CNDP1: variants seen among roughly 807,000 people sequenced by gnomAD.
The protein encoded by CNDP1 is carnosine dipeptidase 1.
Under a neutral mutation model 58.1 loss-of-function variants are expected in CNDP1, and 44 were observed. That is an observed-to-expected ratio of 0.76 (90% CI 0.60 to 0.97). CNDP1 has a LOEUF of 0.97. Among genes scored for constraint, CNDP1 ranks in the 50% least tolerant of loss-of-function variants. CNDP1 has a pLI of 0.00. For missense variants in CNDP1, 616 were observed against 655.1 expected, an observed-to-expected ratio of 0.94 and a Z score of 0.65; for synonymous variants, 254 against 252.6, an observed-to-expected ratio of 1.01 and a Z score of -0.05.
chr18:74,561,996 C>G (rs753564348), intron 4 of CNDP1, 51 bp from the exon 5 acceptor site: 1 of 1,494,326 alleles, frequency 6.7e-7, no homozygotes, highest in Admixed American at 1.7e-5. Flanking sequence ...TTTTAACTCA[C>G]ATGGCAGAGG....
Position 74,585,312 on chromosome 18 carries a change from A to C in CNDP1, c.*750A>C, listed in dbSNP as rs948359531. ...GAAAAGGCCCACTCTCTCTCTATCC[A>C]ACATCTGTGCACAGGTTGCACCAGA... is the stretch of plus-strand genomic sequence containing the variant. On this transcript the variant is annotated 3_prime_UTR_variant, in exon 12 of 12. Coordinates refer to ENST00000358821, the MANE Select transcript of CNDP1 (RefSeq NM_032649.6). 5 of 152,154 alleles carry C rather than the reference A, an allele frequency of 3.3e-5. No homozygotes were observed. Among genetic ancestry groups the C allele is most frequent in the African/African-American group, 4.8e-5 (2 of 41,428 alleles). The allele number at this position is 152,154 out of a possible 1,614,324, so 9.4% of individuals were successfully genotyped here.
Position 74,578,319 on chromosome 18 carries a change from GA to G in CNDP1, c.1164del (p.Lys388AsnfsTer3). On this transcript the variant is annotated frameshift_variant, in exon 9 of 12. Coordinates refer to ENST00000358821, the MANE Select transcript of CNDP1 (RefSeq NM_032649.6). LOFTEE classifies it high-confidence loss of function. ...LVPHMNVSAV[E>X]KQVTRHLEDV... ...CCCTCACATGAATGTGTCTGCGGTG[GA>G]AAAACAGGTAACAAATGCTTATTGT... 1 of 1,600,196 alleles carries G rather than the reference GA, an allele frequency of 6.2e-7. No individual in the cohort carries two copies.
intron 2 of CNDP1, among the ~76,000 whole-genome samples, chr18:74,559,069 T>G (rs1459133991): frequency 6.6e-6 from 1 of 152,072 alleles, no homozygotes; most frequent in Admixed American, 6.6e-5. Context: ...GACCATCACC[T>G]TTCTCCCAGC....
chr18:74,559,553 G>A, intron 3 of CNDP1, 81 bp downstream of exon 3: 1 of 1,363,456 alleles, frequency 7.3e-7, no homozygotes, highest in South Asian at 1.3e-5. Context: ...CAAGGGAGAG[G>A]CTCACCCTGA....
intron 1 of CNDP1, among the ~76,000 whole-genome samples, chr18:74,551,408 G>T (rs1980906856): frequency 1.4e-5 from 2 of 139,094 alleles, no homozygotes; most frequent in African/African-American, 5.8e-5. Flanking sequence ...AAAAACAGAG[G>T]CATGGAGGAA....
chr18:74,553,037 C>G (rs1697282218), intron 1 of CNDP1, among the ~76,000 whole-genome samples: 1 of 152,232 alleles, frequency 6.6e-6, no homozygotes, highest in East Asian at 1.9e-4. Context: ...GCTAATCATG[C>G]TGAGCCTAAA....
Position 74,583,578 on chromosome 18 carries a change from G to A in CNDP1, c.1327G>A (p.Asp443Asn). 1 of 1,614,160 alleles carries A rather than the reference G, an allele frequency of 6.2e-7. No homozygotes were observed. Among genetic ancestry groups the A allele is most frequent in the Non-Finnish European group, 8.5e-7 (1 of 1,179,996 alleles). Reference sequence around the variant, plus strand: ...TGTCTCAGTGTTTGGAACAGAACCAGATATGATCCGGGATGGATCCACCAT... The same window carrying A: ...TGTCTCAGTGTTTGGAACAGAACCAAATATGATCCGGGATGGATCCACCAT... ...AIRTVFGTEP[D>N]MIRDGSTIPI... is the part of the protein sequence containing the mutation. The change falls in exon 11 of 12, where the codon GAT (aspartate) becomes AAT (asparagine). Residue 443 changes from aspartate (D) to asparagine (N), a missense_variant. Transcript: ENST00000358821.
chr18:74,544,301 T>G (rs2144641611), intron 1 of CNDP1, among the ~76,000 whole-genome samples: 1 of 152,234 alleles, frequency 6.6e-6, no homozygotes. Flanking sequence ...TATTCTATGA[T>G]AGACAGTACA....
chr18:74,546,946 G>A (rs1332564682), intron 1 of CNDP1, among the ~76,000 whole-genome samples: 1 of 152,216 alleles, frequency 6.6e-6, no homozygotes, highest in Non-Finnish European at 1.5e-5. Context: ...GGATGATGGA[G>A]GGACTCACAG....
rs1414310372 is a variant in CNDP1 at position 74,534,704 on chromosome 18, T to C, written c.24+13T>C. Reference sequence around the variant, plus strand: ...ACTCGGGAGAATGGTGAGTAGGACCTCCTCCATCAGAGTCCGTGCATTGGG... The same window carrying C: ...ACTCGGGAGAATGGTGAGTAGGACCCCCTCCATCAGAGTCCGTGCATTGGG... On this transcript the variant is annotated intron_variant, in intron 1 of 11. Coordinates refer to ENST00000358821, the MANE Select transcript of CNDP1 (RefSeq NM_032649.6). The C allele has an allele frequency of 6.2e-7, 1 of 1,613,952 alleles. No individual in the cohort carries two copies. Among genetic ancestry groups the C allele is most frequent in the South Asian group, 1.1e-5 (1 of 91,080 alleles).
chr18:74,571,049 G>A, intron 6 of CNDP1, 137 bp from the exon 7 acceptor site: 1 of 597,710 alleles, frequency 1.7e-6, no homozygotes, highest in Non-Finnish European at 3.0e-6. Flanking sequence ...GAGAAACACA[G>A]AAAGTGAAGT....
At chr18:74,557,935 CAG>C (rs1290263021) in intron 2 of CNDP1, among the ~76,000 whole-genome samples, 5 of 152,170 alleles carry the variant, frequency 3.3e-5, no homozygotes, top group Non-Finnish European at 5.9e-5. Flanking sequence ...TTTCCAGAAT[CAG>C]TGTGTGGTGG....
At chr18:74,548,707 G>T (rs1260615269) in intron 1 of CNDP1, among the ~76,000 whole-genome samples, 1 of 152,228 alleles carries the variant, frequency 6.6e-6, no homozygotes, top group Non-Finnish European at 1.5e-5. Context: ...ATGAGGGAAA[G>T]TTTGCAACTT....
intron 4 of CNDP1, 118 bp downstream of exon 4, chr18:74,561,136 C>A: frequency 7.9e-7 from 1 of 1,272,000 alleles, no homozygotes; most frequent in African/African-American, 1.5e-5. Flanking sequence ...ATGCATAGGC[C>A]GGGTGCGGTG....
Position 74,563,112 on chromosome 18 carries a change from A to G in CNDP1, c.555+977A>G, listed in dbSNP as rs144287858. On this transcript the variant is annotated intron_variant, in intron 5 of 11. Transcript: ENST00000358821. The stretch of plus-strand genomic sequence containing the variant: ...GGTGTCTTTTCCTGAAGGTTATTTC[A>G]TCAGGTGCCAGGGGCTTCCCTCTCA... Among the ~76,000 whole-genome samples, 178 of 152,254 alleles carry G rather than the reference A, an allele frequency of 1.2e-3. 1 individual carries two copies. In the East Asian group the frequency reaches 0.027, roughly 23 times the overall value.
In CNDP1 at chr18:74,558,539, C is replaced by T. The variant is rs541154963; in HGVS notation, c.154-784C>T. On this transcript the variant is annotated intron_variant, in intron 2 of 11. Transcript: ENST00000358821. ...CCTCCCAAGTAGCTGGGACTACAGG[C>T]GCCCACCACCACACCTGGCTAATTT... 1.4e-3 allele frequency among the ~76,000 whole-genome samples: 206 copies of T among 152,054 alleles called. 6 individuals are homozygous for T. The South Asian group carries it at 0.036, about 27-fold the overall frequency.
Position 74,586,102 on chromosome 18 carries a change from C to A in CNDP1, c.*1540C>A, listed in dbSNP as rs1981908768. The A allele has an allele frequency of 6.6e-6, 1 of 151,778 alleles. No homozygotes were observed. The highest frequency in any genetic ancestry group is 1.5e-5 in the Non-Finnish European group (1 of 68,026). 9.4% of individuals were successfully genotyped at this position (151,778 alleles called of 1,614,324 possible). A position where few individuals can be genotyped will look rare whatever the true frequency, so the allele number is the denominator to read the frequency against. On this transcript the variant is annotated 3_prime_UTR_variant, in exon 12 of 12. Transcript: ENST00000358821. The stretch of plus-strand genomic sequence containing the variant: ...GTGTCAGTTTAAAAACGTGCTGTAC[C>A]ACCTTTAAAAGGACTGGAGCAGGCA...
intron 1 of CNDP1, among the ~76,000 whole-genome samples, chr18:74,538,477 T>A (rs192082003): frequency 6.6e-6 from 1 of 152,248 alleles, no homozygotes. Context: ...TCGGCTGTTA[T>A]GAATAATGCT....
intron 2 of CNDP1, among the ~76,000 whole-genome samples, chr18:74,558,440 A>G (rs139143401): frequency 0.015 from 1,841 of 126,238 alleles, 45 homozygotes; most frequent in African/African-American, 0.053. Flanking sequence ...TGTCACCCAG[A>G]CTGGAGTGCA....
Sources: allele counts gnomAD v4.1 joint callset (sites outside exome capture counted in the v4.1 genomes callset), GRCh38; gene constraint gnomAD v4.1.1; transcripts MANE v1.5; gene names NCBI Gene and HGNC (gene_info 2026-07-23, HGNC 2026-07-21).